The following SLC49A4 variants were observed in gnomAD, a reference collection of about 807,000 sequenced individuals.
SLC49A4 encodes solute carrier family 49 member 4.
In SLC49A4, 36 loss-of-function variants were observed where a neutral mutation model predicts 50.6. The observed-to-expected ratio is 0.71, with a 90% CI of 0.55 to 0.94. The LOEUF is 0.94. SLC49A4 is among the 40% of genes least tolerant of loss of function. The pLI, the probability that SLC49A4 is intolerant of heterozygous loss-of-function variation, is 0.00. For missense variants in SLC49A4, 503 were observed against 605.7 expected, an observed-to-expected ratio of 0.83 and a Z score of 1.78; for synonymous variants, 248 against 241.2, an observed-to-expected ratio of 1.03 and a Z score of -0.26.
chr3:122,857,896 C>G (rs1407465455), intron 6 of SLC49A4, among the ~76,000 whole-genome samples: 1 of 152,004 alleles, frequency 6.6e-6, no homozygotes, highest in Non-Finnish European at 1.5e-5. Flanking sequence ...CTTCTATACC[C>G]CTTAATTTTA....
intron 7 of SLC49A4, among the ~76,000 whole-genome samples, chr3:122,869,415 A>G (rs145021864): frequency 1.3e-5 from 2 of 152,320 alleles, no homozygotes; most frequent in African/African-American, 4.8e-5. Context: ...GAGGTGCCTC[A>G]TTTTTAATTG....
chr3:122,818,592 A>C (rs1288964752), intron 2 of SLC49A4, among the ~76,000 whole-genome samples: 1 of 152,214 alleles, frequency 6.6e-6, no homozygotes, highest in African/African-American at 2.4e-5. Flanking sequence ...GACCAGGACT[A>C]AGGCCATTTT....
chr3:122,812,095 A>G (rs1030736320), intron 2 of SLC49A4, among the ~76,000 whole-genome samples: 1 of 152,138 alleles, frequency 6.6e-6, no homozygotes, highest in Non-Finnish European at 1.5e-5. Flanking sequence ...AGCTGGGACT[A>G]CAGGCATGTG....
At chr3:122,814,863 C>T (rs9985502) in intron 2 of SLC49A4, among the ~76,000 whole-genome samples, 1 of 151,658 alleles carries the variant, frequency 6.6e-6, no homozygotes, top group Non-Finnish European at 1.5e-5. Flanking sequence ...CAAGACGGTT[C>T]TTCTTCTTCC....
chr3:122,820,821 GAT>G (rs961358532), intron 2 of SLC49A4, among the ~76,000 whole-genome samples: 1 of 152,224 alleles, frequency 6.6e-6, no homozygotes, highest in African/African-American at 2.4e-5. Context: ...CAGCAGTGCT[GAT>G]GCTAGTGGGC....
chr3:122,878,069 T>C lies in SLC49A4; in HGVS notation c.1322-1194T>C, dbSNP rs542765143. Among the ~76,000 whole-genome samples the C allele has an allele frequency of 9.8e-5, 15 of 152,374 alleles. No homozygotes were observed. The South Asian group carries it at 3.1e-3, about 32-fold the overall frequency. The stretch of plus-strand genomic sequence containing the variant: ...AGCACCTTTTCTTGCCAGTCAGTTT[T>C]CTGATTTCCATTCCTGAGCATAAAT... On this transcript the variant is annotated intron_variant, in intron 8 of 8. Transcript: ENST00000261038.
chr3:122,872,624 A>G (rs1172901638), intron 8 of SLC49A4, 27 bp downstream of exon 8: 16 of 1,507,404 alleles, frequency 1.1e-5, no homozygotes, highest in Admixed American at 2.0e-5. Context: ...TTTATTTACT[A>G]TCTAAATGTG....
At chr3:122,845,607 GTTTTTTTTT>G (rs35604258) in intron 4 of SLC49A4, among the ~76,000 whole-genome samples, 147 bp from the exon 5 acceptor site, 21 of 97,442 alleles carry the variant, frequency 2.2e-4, no homozygotes, top group East Asian at 3.2e-4. Context: ...TTTCCAGCAC[GTTTTTTTTT>G]TTTTTTTTTT....
chr3:122,873,746 T>C (rs368702545), intron 8 of SLC49A4, among the ~76,000 whole-genome samples: 1 of 152,374 alleles, frequency 6.6e-6, no homozygotes, highest in East Asian at 1.9e-4. Flanking sequence ...AAACACGTGC[T>C]TCCATTAGGG....
chr3:122,795,581 G>A (rs755632271), intron 1 of SLC49A4, 46 bp downstream of exon 1: 3 of 1,545,778 alleles, frequency 1.9e-6, no homozygotes, highest in Non-Finnish European at 2.6e-6. Flanking sequence ...TCCTCCGGGA[G>A]CAGGCGCCTG....
chr3:122,868,110 G>A (rs535495401), intron 7 of SLC49A4, among the ~76,000 whole-genome samples: 14 of 149,488 alleles, frequency 9.4e-5, no homozygotes, highest in Admixed American at 3.3e-4. Flanking sequence ...GCGAGACTCC[G>A]TCTCCAAAAA....
At chr3:122,854,874 G>A (rs972645420) in intron 5 of SLC49A4, among the ~76,000 whole-genome samples, 19 of 152,218 alleles carry the variant, frequency 1.2e-4, no homozygotes, top group Non-Finnish European at 2.2e-4. Context: ...GGCGGATCAC[G>A]AGGTCAGGAG....
At chr3:122,849,882 A>G (rs1249383241) in intron 5 of SLC49A4, among the ~76,000 whole-genome samples, 2 of 151,918 alleles carry the variant, frequency 1.3e-5, no homozygotes, top group African/African-American at 4.8e-5. Flanking sequence ...TTGAGGCTGT[A>G]CTCAAAAAAT....
At position 122,806,060 on chromosome 3, in the gene SLC49A4, C is replaced by G. The variant is rs549307037; in HGVS notation, c.344-797C>G. Among the ~76,000 whole-genome samples the G allele has an allele frequency of 1.9e-3, 292 of 152,252 alleles. 1 individual carries two copies. Among genetic ancestry groups the G allele is most frequent in the African/African-American group, 6.5e-3 (272 of 41,546 alleles). ...GACGCTTTAACAACCTTAGCTTGTT[C>G]TGATTATGAAATATGTAGTTCCCTA... On this transcript the variant is annotated intron_variant, in intron 1 of 8. Coordinates refer to ENST00000261038, the MANE Select transcript of SLC49A4 (RefSeq NM_032839.3).
rs1357534394 is a variant in SLC49A4, at chr3:122,833,302, A to AT, written c.704-8dup. ...GTGTTTCCTGGTTAACATTTTACCT[A>AT]TTTTTTTCTTTCAGAATTTGGAGTT... On this transcript the variant is annotated splice_polypyrimidine_tract_variant and intron_variant, in intron 3 of 8. Transcript: ENST00000261038. 6 of 1,608,788 alleles carry AT rather than the reference A, an allele frequency of 3.7e-6. No individual in the cohort carries two copies. Among genetic ancestry groups the AT allele is most frequent in the South Asian group, 1.1e-5 (1 of 90,848 alleles).
intron 1 of SLC49A4, among the ~76,000 whole-genome samples, chr3:122,798,581 C>T (rs1381615045): frequency 6.6e-6 from 1 of 150,542 alleles, no homozygotes; most frequent in Non-Finnish European, 1.5e-5. Context: ...TCCATCTACG[C>T]ACGTAGAAAG....
chr3:122,871,285 G>T (rs941795945), intron 7 of SLC49A4, among the ~76,000 whole-genome samples: 1 of 152,044 alleles, frequency 6.6e-6, no homozygotes, highest in African/African-American at 2.4e-5. Flanking sequence ...GGAAGCAAGA[G>T]TGGAGGTTAA....
intron 1 of SLC49A4, among the ~76,000 whole-genome samples, chr3:122,798,294 T>C (rs1936076724): frequency 6.6e-6 from 1 of 151,996 alleles, no homozygotes; most frequent in Non-Finnish European, 1.5e-5. Flanking sequence ...AACCTTGTTT[T>C]TTATGGTAGA....
rs746828965 is a variant in SLC49A4, at chr3:122,881,111, C to G, written c.*1733C>G. The G allele has an allele frequency of 2.0e-5, 3 of 151,196 alleles. No individual in the cohort carries two copies. The highest frequency in any genetic ancestry group is 4.4e-5 in the Non-Finnish European group (3 of 67,886). The allele number at this position is 151,196 out of a possible 1,614,324, so 9.4% of individuals were successfully genotyped here. ...CTTAGTTCCAGTTAATTCTGTTATTCTTCTGAAATAAAAATGAAATAAAAG... is the reference window on the plus strand; with the variant it reads ...CTTAGTTCCAGTTAATTCTGTTATTGTTCTGAAATAAAAATGAAATAAAAG... On this transcript the variant is annotated 3_prime_UTR_variant, in exon 9 of 9. Transcript: ENST00000261038.
Sources: allele counts gnomAD v4.1 joint callset (sites outside exome capture counted in the v4.1 genomes callset), GRCh38; gene constraint gnomAD v4.1.1; transcripts MANE v1.5; gene names NCBI Gene and HGNC (gene_info 2026-07-23, HGNC 2026-07-21).